THRB: variants seen among roughly 807,000 people sequenced by gnomAD.
THRB encodes nuclear receptor subfamily 1 group A member 2.
THRB carries 12 observed loss-of-function variants against 47.8 expected under a neutral mutation model. The observed-to-expected ratio is 0.25, with a 90% CI of 0.16 to 0.41. The LOEUF (loss-of-function observed/expected upper bound fraction) is 0.41, where lower values mean the gene tolerates loss of function less well. Among genes scored for constraint, THRB ranks in the 10% least tolerant of loss-of-function variants. The probability of loss-of-function intolerance (pLI) is 1.00; values close to 1 mark genes in which losing one functional copy is unlikely to be tolerated. For missense variants in THRB, 348 were observed against 589.2 expected (o/e 0.59, Z 4.24); for synonymous variants, 218 against 212.2 (o/e 1.03, Z -0.24).
intron 2 of THRB, among the ~76,000 whole-genome samples, chr3:24,309,044 G>T (rs968703256): frequency 1.3e-5 from 2 of 152,014 alleles, no homozygotes; most frequent in Non-Finnish European, 2.9e-5. Context: ...TCTGGCTCCC[G>T]TTTTTTGGCC....
intron 1 of THRB, among the ~76,000 whole-genome samples, chr3:24,393,505 G>A (rs1339064142): frequency 2.0e-5 from 3 of 152,114 alleles, no homozygotes; most frequent in African/African-American, 7.2e-5. Flanking sequence ...AGGGGCACCT[G>A]GGAGAGGTCA....
intron 3 of THRB, among the ~76,000 whole-genome samples, chr3:24,242,953 G>A (rs931378532): frequency 1.3e-5 from 2 of 151,886 alleles, no homozygotes; most frequent in Admixed American, 6.6e-5. Context: ...AGCAAGAGGG[G>A]TCATCTGTGG....
At chr3:24,191,382 G>A (rs1202959650) in intron 4 of THRB, among the ~76,000 whole-genome samples, 58 of 151,882 alleles carry the variant, frequency 3.8e-4, no homozygotes, top group Non-Finnish European at 1.5e-5. Context: ...ATAAATATGT[G>A]AGTCCTCCTT....
chr3:24,269,277 C>CCACACACACACA (rs4024153), intron 3 of THRB, among the ~76,000 whole-genome samples: 66 of 140,748 alleles, frequency 4.7e-4, no homozygotes, highest in African/African-American at 1.2e-3. Context: ...AATGGATACA[C>CCACACACACACA]CACACACACA....
chr3:24,284,303 C>A (rs2054987762), intron 3 of THRB, among the ~76,000 whole-genome samples: 2 of 151,756 alleles, frequency 1.3e-5, no homozygotes, highest in African/African-American at 4.8e-5. Flanking sequence ...TGATCTTTGA[C>A]AAACCTGAGA....
chr3:24,203,476 T>G (rs563136214), intron 4 of THRB, among the ~76,000 whole-genome samples: 1 of 152,192 alleles, frequency 6.6e-6, no homozygotes, highest in Non-Finnish European at 1.5e-5. Context: ...CATGGAGCAA[T>G]AGTGTCTGAA....
chr3:24,384,057 T>A (rs4276128), intron 1 of THRB, among the ~76,000 whole-genome samples: 70,863 of 151,952 alleles, frequency 0.47, 17,445 homozygotes, highest in Middle Eastern at 0.65. Flanking sequence ...GTTACCTTTT[T>A]AGTTTGGAGA....
chr3:24,413,908 C>T lies in THRB; in HGVS notation c.-260-76537G>A, dbSNP rs576366168. On this transcript the variant is annotated intron_variant, in intron 1 of 10. Coordinates refer to ENST00000646209, the MANE Select transcript of THRB (RefSeq NM_001354712.2). Reference sequence around the variant, plus strand: ...GAAACCATCATTCTGAGCAAACTATCGCAAGGACAGAAAACCAATTACCTA... The same window carrying T: ...GAAACCATCATTCTGAGCAAACTATTGCAAGGACAGAAAACCAATTACCTA... Among the ~76,000 whole-genome samples, 221 of 151,884 alleles carry T rather than the reference C, an allele frequency of 1.5e-3. 3 individuals are homozygous for T. In the South Asian group the frequency reaches 0.044, roughly 30 times the overall value.
At chr3:24,298,549 C>G (rs2056639344) in intron 2 of THRB, among the ~76,000 whole-genome samples, 1 of 152,166 alleles carries the variant, frequency 6.6e-6, no homozygotes, top group Non-Finnish European at 1.5e-5. Context: ...GAAAACGAGG[C>G]CAGGAAGAAA....
In THRB at chr3:24,445,587, A is replaced by C. The variant is rs971287109; in HGVS notation, c.-261+49065T>G. 3.3e-5 allele frequency among the ~76,000 whole-genome samples: 5 copies of C among 152,352 alleles called. No homozygotes were observed. The East Asian group carries it at 7.7e-4, about 23-fold the overall frequency. On this transcript the variant is annotated intron_variant, in intron 1 of 10. Coordinates refer to ENST00000646209, the MANE Select transcript of THRB (RefSeq NM_001354712.2). ...CAAAAATCCTTATAATTATCCAATA[A>C]GCATTCAAAATTTTTAAAATTTTTT... is the stretch of plus-strand genomic sequence containing the variant.
intron 4 of THRB, among the ~76,000 whole-genome samples, chr3:24,213,387 A>T (rs559026717): frequency 6.6e-6 from 1 of 152,332 alleles, no homozygotes; most frequent in East Asian, 1.9e-4. Context: ...CCAGGACTCT[A>T]TTAATTAAAC....
intron 1 of THRB, among the ~76,000 whole-genome samples, chr3:24,424,288 A>G (rs991206104): frequency 4.6e-5 from 7 of 151,934 alleles, no homozygotes; most frequent in African/African-American, 1.7e-4. Flanking sequence ...GGATTCTAAT[A>G]CCTAGCTAAG....
intron 8 of THRB, 42 bp downstream of exon 8, chr3:24,143,459 A>C (rs1323890444): frequency 1.9e-6 from 3 of 1,583,564 alleles, no homozygotes; most frequent in Non-Finnish European, 2.6e-6. Context: ...GGTAGAAAAC[A>C]CTGGCATATA....
At chr3:24,263,180 A>T (rs1344000425) in intron 3 of THRB, among the ~76,000 whole-genome samples, 1 of 152,068 alleles carries the variant, frequency 6.6e-6, no homozygotes, top group Non-Finnish European at 1.5e-5. Flanking sequence ...CATTCTTCCA[A>T]TCCCACCTTG....
At chr3:24,165,526 G>A (rs1297496526) in intron 5 of THRB, 2 of 572,792 alleles carry the variant, frequency 3.5e-6, no homozygotes, top group African/African-American at 3.8e-5. Context: ...AACCCAGCCT[G>A]CTTTACTTTG....
At chr3:24,375,393 A>ATATT (rs1560050152) in intron 1 of THRB, among the ~76,000 whole-genome samples, 128 of 120,696 alleles carry the variant, frequency 1.1e-3, no homozygotes, top group African/African-American at 3.0e-3. Context: ...TTAATATATT[A>ATATT]TAGTTAGACA....
chr3:24,122,035 AG>A lies in THRB; in HGVS notation c.*848del, dbSNP rs1467392008. 6.6e-6 allele frequency: 1 copy of A among 152,668 alleles called. No homozygotes were observed. Among genetic ancestry groups the A allele is most frequent in the Non-Finnish European group, 1.5e-5 (1 of 68,044 alleles). 9.5% of individuals were successfully genotyped at this position (152,668 alleles called of 1,614,324 possible). ...GATGACAGATCAGATGCCACAGAAA[AG>A]GGGTGCCACCCTGTAAATAGGTTTG... On this transcript the variant is annotated 3_prime_UTR_variant, in exon 11 of 11. Transcript: ENST00000646209.
chr3:24,212,184 G>T (rs1214993468), intron 4 of THRB, among the ~76,000 whole-genome samples: 1 of 152,078 alleles, frequency 6.6e-6, no homozygotes, highest in Non-Finnish European at 1.5e-5. Context: ...GGATCACGAA[G>T]TCAGGAGTTC....
intron 2 of THRB, among the ~76,000 whole-genome samples, chr3:24,304,539 G>T (rs1392782549): frequency 1.3e-5 from 2 of 152,002 alleles, no homozygotes; most frequent in African/African-American, 4.8e-5. Flanking sequence ...GCTATACTCA[G>T]AGGAAAAATG....
Sources: allele counts gnomAD v4.1 joint callset (sites outside exome capture counted in the v4.1 genomes callset), GRCh38; gene constraint gnomAD v4.1.1; transcripts MANE v1.5; gene names NCBI Gene and HGNC (gene_info 2026-07-23, HGNC 2026-07-21).